REDIC1: variants seen among roughly 807,000 people sequenced by gnomAD.
REDIC1 encodes regulator of DNA class I crossover intermediates 1.
chr12:39,686,740 G>T, the REDIC1 span, among the ~76,000 whole-genome samples: 2 of 152,164 alleles, frequency 1.3e-5, no homozygotes, highest in Admixed American at 1.3e-4. Context: ...ACATGGCCAG[G>T]CTGCAAATTT....
At chr12:39,683,389 C>T in the REDIC1 span, 5 of 1,497,946 alleles carry the variant, frequency 3.3e-6, no homozygotes, top group Non-Finnish European at 4.6e-6. Flanking sequence ...AAATTTTTAA[C>T]TCGGTGCATA....
chr12:39,711,731 G>A, the REDIC1 span, among the ~76,000 whole-genome samples: 40 of 9,230 alleles, frequency 4.3e-3, 4 homozygotes, highest in South Asian at 8.8e-3. Flanking sequence ...GCACATGCAT[G>A]TGTGTATGTG....
the REDIC1 span, among the ~76,000 whole-genome samples, chr12:39,821,090 G>A: frequency 6.6e-6 from 1 of 151,898 alleles, no homozygotes; most frequent in Admixed American, 6.6e-5. Context: ...ACTATTATTT[G>A]TTCAATGGTT....
At chr12:39,684,763 C>T in the REDIC1 span, 6 of 720,556 alleles carry the variant, frequency 8.3e-6, no homozygotes, top group Middle Eastern at 3.1e-4. Context: ...AGAAAGCTTC[C>T]CATATAATTC....
the REDIC1 span, chr12:39,682,744 G>A: frequency 3.1e-6 from 5 of 1,613,198 alleles, no homozygotes; most frequent in East Asian, 8.9e-5. Context: ...GGGGAAAAAT[G>A]GAAAGGAAGT....
the REDIC1 span, chr12:39,626,416 C>A: frequency 6.2e-7 from 1 of 1,608,710 alleles, no homozygotes; most frequent in African/African-American, 1.3e-5. Flanking sequence ...ACTCCTCTTT[C>A]TAGTTCCTGG....
the REDIC1 span, chr12:39,759,402 T>TCAGTATCTGAAGAACTCC: frequency 6.6e-6 from 1 of 152,158 alleles, no homozygotes; most frequent in African/African-American, 2.4e-5. Context: ...GTGTGCAGAG[T>TCAGTATCTGAAGAACTCC]CAGTATCTGA....
the REDIC1 span, among the ~76,000 whole-genome samples, chr12:39,787,175 C>T: frequency 6.6e-6 from 1 of 152,112 alleles, no homozygotes; most frequent in East Asian, 1.9e-4. Flanking sequence ...ACACACAAGC[C>T]TTGCAGTGTA....
the REDIC1 span, among the ~76,000 whole-genome samples, chr12:39,760,953 A>ACACACACACACACACACACACACACAC: frequency 5.9e-5 from 6 of 101,520 alleles, no homozygotes; most frequent in East Asian, 2.8e-4. Flanking sequence ...GTCTCTACCA[A>ACACACACACACACACACACACACACAC]ACACACACAC....
At chr12:39,895,255 C>T in the REDIC1 span, among the ~76,000 whole-genome samples, 2 of 151,746 alleles carry the variant, frequency 1.3e-5, no homozygotes, top group African/African-American at 4.8e-5. Context: ...TAAAAAAAGG[C>T]CGAGGCGGGC....
At chr12:39,864,751 T>C in the REDIC1 span, 9 of 1,612,042 alleles carry the variant, frequency 5.6e-6, no homozygotes, top group East Asian at 2.2e-5. Context: ...AAGAACATAA[T>C]GGAATCTCAC....
chr12:39,704,064 T>C, the REDIC1 span, among the ~76,000 whole-genome samples: 54 of 152,242 alleles, frequency 3.5e-4, no homozygotes, highest in African/African-American at 1.3e-3. Context: ...AAAGCCAAAA[T>C]TGACAAATGC....
the REDIC1 span, among the ~76,000 whole-genome samples, chr12:39,672,416 G>C: frequency 6.6e-6 from 1 of 152,102 alleles, no homozygotes; most frequent in Non-Finnish European, 1.5e-5. Context: ...CTGCTGCTAG[G>C]GGGAGGCAGT....
At chr12:39,740,330 AT>A in the REDIC1 span, among the ~76,000 whole-genome samples, 1 of 151,938 alleles carries the variant, frequency 6.6e-6, no homozygotes, top group Non-Finnish European at 1.5e-5. Flanking sequence ...TGGCATATGT[AT>A]TTTTTCAGAA....
At chr12:39,677,559 A>G in the REDIC1 span, among the ~76,000 whole-genome samples, 1 of 152,104 alleles carries the variant, frequency 6.6e-6, no homozygotes, top group Non-Finnish European at 1.5e-5. Flanking sequence ...CAAAGAAACA[A>G]TAGGCTTAAA....
chr12:39,878,300 T>G, the REDIC1 span, among the ~76,000 whole-genome samples: 1 of 152,180 alleles, frequency 6.6e-6, no homozygotes, highest in Non-Finnish European at 1.5e-5. Context: ...GGGCAGAGGT[T>G]GGAAGAATTT....
chr12:39,720,828 T>C, the REDIC1 span: 1 of 1,612,336 alleles, frequency 6.2e-7, no homozygotes, highest in Non-Finnish European at 8.5e-7. Context: ...AAATTGAAGA[T>C]TCAAATAGGA....
the REDIC1 span, among the ~76,000 whole-genome samples, chr12:39,792,555 G>A: frequency 2.0e-5 from 3 of 152,128 alleles, no homozygotes; most frequent in Non-Finnish European, 4.4e-5. Context: ...CACAATTCTA[G>A]ATACTAAGCC....
chr12:39,654,844 C>A, the REDIC1 span, among the ~76,000 whole-genome samples: 1 of 152,230 alleles, frequency 6.6e-6, no homozygotes, highest in African/African-American at 2.4e-5. Context: ...TCTTAGAATT[C>A]ACCAGTGAAG....
Sources: allele counts gnomAD v4.1 joint callset (sites outside exome capture counted in the v4.1 genomes callset), GRCh38; gene constraint gnomAD v4.1.1; transcripts MANE v1.5; gene names NCBI Gene and HGNC (gene_info 2026-07-23, HGNC 2026-07-21).